Variants in FAM131C observed in about 807,000 individuals in gnomAD.
FAM131C encodes the protein protein FAM131C.
FAM131C carries 14 observed loss-of-function variants against 29.8 expected under a neutral mutation model. The observed-to-expected ratio is 0.47, with a 90% confidence interval of 0.31 to 0.73. The LOEUF (loss-of-function observed/expected upper bound fraction) is 0.73. FAM131C is among the 30% of genes least tolerant of loss of function. The pLI, the probability that FAM131C is intolerant of heterozygous loss-of-function variation, is 0.05. For synonymous variants in FAM131C, 86 were observed against 157.8 expected (o/e 0.54, Z 3.41); for missense variants, 252 against 383.8 (o/e 0.66, Z 2.87).
At chr1:16,058,770 C>CCCTT (rs139656103) in intron 6 of FAM131C, 53 bp from the exon 7 acceptor site, 1 of 1,395,124 alleles carries the variant, frequency 7.2e-7, no homozygotes, top group Admixed American at 2.8e-5. Context: ...CAGCTCCTCG[C>CCCTT]CCTCTCTGGG....
intron 4 of FAM131C, among the ~76,000 whole-genome samples, chr1:16,061,251 G>A (rs773511051): frequency 6.7e-6 from 1 of 150,204 alleles, no homozygotes; most frequent in Non-Finnish European, 1.5e-5. Context: ...TAGGAAGTAG[G>A]GGTTCAAGTG....
At position 16,062,408 on chromosome 1, in the gene FAM131C, C is replaced by T. The variant is rs1373189961; in HGVS notation, c.174+91G>A. 8.4e-6 allele frequency: 11 copies of T among 1,307,066 alleles called. No individual in the cohort carries two copies. The African/African-American group carries it at 8.8e-5, about 11-fold the overall frequency. 81.0% of individuals were successfully genotyped at this position (1,307,066 alleles called of 1,614,324 possible). A position where few individuals can be genotyped will look rare whatever the true frequency, so the allele number is the denominator to read the frequency against. On this transcript the variant is annotated intron_variant, in intron 3 of 6. Transcript: ENST00000375662. The stretch of plus-strand genomic sequence containing the variant: ...CCCCCCCCCCCCGCCCCAGGGCCAG[C>T]AGGACTGTGTGCCTGGGCTGGGCAC...
intron 1 of FAM131C, among the ~76,000 whole-genome samples, chr1:16,073,102 A>T (rs2023773282): frequency 6.6e-6 from 1 of 152,104 alleles, no homozygotes; most frequent in African/African-American, 2.4e-5. Flanking sequence ...AGGAAGAACC[A>T]GAGCTGGTTC....
rs1266890176 is a variant in FAM131C, at chr1:16,063,585, G to A, written c.74C>T (p.Pro25Leu). ...GCCCGAGGGCAGATCTGGGTTCAAG[G>A]GGTCCGCACCCTGGGGCATGGGGCA... ...KNCPMPQGADPLNPDLPSGRT... is the reference protein window; with the variant it reads ...KNCPMPQGADLLNPDLPSGRT... The change falls in exon 2 of 7, where the codon CCC (proline) becomes CTC (leucine). Residue 25 changes from proline (P) to leucine (L), a missense_variant. Physicochemically the swap from Pro to Leu is moderately conservative, Grantham distance 98. Around this residue, in one of 6 missense-constraint regions of FAM131C, gnomAD observed 76 missense variants for 62.8 expected, o/e 1.21. Coordinates refer to ENST00000375662, the MANE Select transcript of FAM131C (RefSeq NM_182623.3). The A allele has an allele frequency of 2.5e-6, 4 of 1,613,784 alleles. No individual in the cohort carries two copies. The highest frequency in any genetic ancestry group is 3.4e-6 in the Non-Finnish European group (4 of 1,179,884).
intron 1 of FAM131C, among the ~76,000 whole-genome samples, chr1:16,070,631 T>A (rs1341761082): frequency 7.9e-5 from 12 of 152,214 alleles, no homozygotes; most frequent in Admixed American, 3.3e-4. Flanking sequence ...GTCTCTATTA[T>A]AATATATACA....
intron 3 of FAM131C, 28 bp from the exon 4 acceptor site, chr1:16,062,220 A>C: frequency 6.3e-7 from 1 of 1,598,544 alleles, no homozygotes; most frequent in Non-Finnish European, 8.5e-7. Flanking sequence ...AGGAGTGAGC[A>C]GGGTGGGCCA....
At chr1:16,063,418 G>C in intron 2 of FAM131C, 103 bp downstream of exon 2, 1 of 903,096 alleles carries the variant, frequency 1.1e-6, no homozygotes, top group Non-Finnish European at 1.8e-6. Context: ...AAGCGGGTTT[G>C]GCAGGGAAGG....
At chr1:16,063,333 C>G (rs1437365393) in intron 2 of FAM131C, among the ~76,000 whole-genome samples, 188 bp downstream of exon 2, 2 of 141,366 alleles carry the variant, frequency 1.4e-5, no homozygotes, top group African/African-American at 5.6e-5. Context: ...CTGGTCCAGT[C>G]CCTGGATGCT....
At chr1:16,069,052 G>T (rs1256019739) in intron 1 of FAM131C, among the ~76,000 whole-genome samples, 2 of 152,196 alleles carry the variant, frequency 1.3e-5, no homozygotes, top group Admixed American at 6.5e-5. Flanking sequence ...CAAAGTACAT[G>T]TTATGCCCAT....
chr1:16,073,336 C>A (rs965644908), intron 1 of FAM131C, 85 bp downstream of exon 1: 74 of 790,134 alleles, frequency 9.4e-5, no homozygotes, highest in Admixed American at 4.5e-5. Context: ...GGGTCGCCAG[C>A]CCCATCCCCC....
At chr1:16,063,029 A>T (rs2023625030) in intron 2 of FAM131C, among the ~76,000 whole-genome samples, 1 of 151,924 alleles carries the variant, frequency 6.6e-6, no homozygotes, top group South Asian at 2.1e-4. Context: ...GAAATTATGC[A>T]CCAGAATTTG....
chr1:16,061,292 G>A (rs978957191), intron 4 of FAM131C, among the ~76,000 whole-genome samples: 3 of 151,988 alleles, frequency 2.0e-5, no homozygotes, highest in African/African-American at 7.3e-5. Context: ...GTGGAGGAAG[G>A]CACTGGAGAT....
At chr1:16,069,647 G>A (rs1395409116) in intron 1 of FAM131C, among the ~76,000 whole-genome samples, 1 of 152,190 alleles carries the variant, frequency 6.6e-6, no homozygotes, top group Non-Finnish European at 1.5e-5. Context: ...CTGGAGAGAA[G>A]GGGGGCAAAT....
Position 16,062,102 on chromosome 1 carries a change from C to G in FAM131C, c.265G>C (p.Val89Leu), listed in dbSNP as rs779623912. The change falls in exon 4 of 7, where the codon GTG becomes CTG. Residue 89 changes from valine to leucine, a missense_variant. By Grantham distance (32) the Val-to-Leu change is conservative. Around this residue, in one of 6 missense-constraint regions of FAM131C, gnomAD observed 52 missense variants for 105.9 expected, o/e 0.49. Coordinates refer to ENST00000375662, the MANE Select transcript of FAM131C (RefSeq NM_182623.3). ...GAGAGTTGCGGCCAGAACCTACCCA[C>G]AAGGGACGAGGTGGCCAGGGCTGCC... ...NVAALATSSL[V>L]GVVQSIKDHI... 6.2e-7 allele frequency: 1 copy of G among 1,611,544 alleles called. No homozygotes were observed. The highest frequency in any genetic ancestry group is 8.5e-7 in the Non-Finnish European group (1 of 1,179,450).
At chr1:16,073,283 C>T (rs1162161494) in intron 1 of FAM131C, 138 bp downstream of exon 1, 1 of 408,738 alleles carries the variant, frequency 2.4e-6, no homozygotes, top group Admixed American at 4.8e-5. Flanking sequence ...CTGTCCCCCT[C>T]AGGACGCCGC....
chr1:16,067,151 G>A (rs1386591465), intron 1 of FAM131C, among the ~76,000 whole-genome samples: 1 of 152,134 alleles, frequency 6.6e-6, no homozygotes, highest in Non-Finnish European at 1.5e-5. Flanking sequence ...CAGCCCGCCT[G>A]GCTCCCCACC....
At chr1:16,059,650 G>A (rs746971868) in intron 5 of FAM131C, 46 bp from the exon 6 acceptor site, 8 of 1,500,904 alleles carry the variant, frequency 5.3e-6, no homozygotes, top group Middle Eastern at 2.4e-4. Flanking sequence ...GGGTGGGGAC[G>A]GCCTCAGTGC....
At chr1:16,061,159 A>G (rs888528367) in intron 4 of FAM131C, among the ~76,000 whole-genome samples, 9 of 152,186 alleles carry the variant, frequency 5.9e-5, no homozygotes, top group African/African-American at 2.2e-4. Context: ...AAAATGGGAA[A>G]GATGGGGGTA....
intron 2 of FAM131C, among the ~76,000 whole-genome samples, chr1:16,063,030 C>T (rs956760922): frequency 8.6e-5 from 13 of 151,738 alleles, no homozygotes; most frequent in African/African-American, 3.2e-4. Context: ...AAATTATGCA[C>T]CAGAATTTGG....
Sources: allele counts gnomAD v4.1 joint callset (sites outside exome capture counted in the v4.1 genomes callset), GRCh38; gene constraint gnomAD v4.1.1; regional missense constraint gnomAD v4.1.1; transcripts MANE v1.5; gene names NCBI Gene and HGNC (gene_info 2026-07-23, HGNC 2026-07-21).